Variants in ADAMTSL3 observed in about 807,000 individuals in gnomAD.
ADAMTSL3 encodes the protein ADAMTS like 3.
Under a neutral mutation model 201.7 loss-of-function variants are expected in ADAMTSL3, and 128 were observed. The observed-to-expected ratio is 0.63, with a 90% CI of 0.55 to 0.73. The LOEUF is 0.73. ADAMTSL3 is among the 30% of genes least tolerant of loss of function. The pLI is 0.00. For synonymous variants in ADAMTSL3, 738 were observed against 748.4 expected, an observed-to-expected ratio of 0.99 and a Z score of 0.23; for missense variants, 1,990 against 2,119.6, an observed-to-expected ratio of 0.94 and a Z score of 1.20.
At chr15:83,774,725 T>C (rs373936841) in intron 4 of ADAMTSL3, among the ~76,000 whole-genome samples, 12 of 152,214 alleles carry the variant, frequency 7.9e-5, no homozygotes, top group Admixed American at 4.6e-4. Context: ...TGAGCAGATA[T>C]AGGCCCTGGT....
At chr15:83,964,577 G>C (rs371687225) in intron 19 of ADAMTSL3, among the ~76,000 whole-genome samples, 1 of 152,130 alleles carries the variant, frequency 6.6e-6, no homozygotes, top group East Asian at 1.9e-4. Flanking sequence ...GGGGAGAATG[G>C]AACCAAGTTG....
intron 7 of ADAMTSL3, among the ~76,000 whole-genome samples, chr15:83,838,736 G>A (rs535064713): frequency 2.6e-5 from 4 of 152,188 alleles, no homozygotes; most frequent in South Asian, 2.1e-4. Context: ...TCAATTTTGT[G>A]TAATTAGAGT....
chr15:83,844,832 A>G (rs1344306243), intron 7 of ADAMTSL3, among the ~76,000 whole-genome samples: 1 of 152,198 alleles, frequency 6.6e-6, no homozygotes, highest in Admixed American at 6.5e-5. Flanking sequence ...TGTATTTTAC[A>G]TGGAGAAGCA....
intron 4 of ADAMTSL3, 82 bp downstream of exon 4, chr15:83,773,732 G>C: frequency 4.0e-6 from 6 of 1,484,826 alleles, no homozygotes; most frequent in Non-Finnish European, 5.4e-6. Context: ...AACTTTATAT[G>C]GCTTTGGAAT....
chr15:83,737,116 A>G (rs2062380431), intron 3 of ADAMTSL3, among the ~76,000 whole-genome samples: 1 of 152,258 alleles, frequency 6.6e-6, no homozygotes. Flanking sequence ...AAATTTGATC[A>G]TGAAATCATA....
chr15:83,673,059 A>G (rs1327919808), intron 2 of ADAMTSL3, among the ~76,000 whole-genome samples: 2 of 152,240 alleles, frequency 1.3e-5, no homozygotes, highest in Non-Finnish European at 2.9e-5. Flanking sequence ...GAGCCAGGAA[A>G]GCATTTTGGT....
intron 3 of ADAMTSL3, chr15:83,717,404 A>G (rs1314787363): frequency 6.6e-6 from 1 of 152,212 alleles, no homozygotes; most frequent in African/African-American, 2.4e-5. Flanking sequence ...CCTTATAATT[A>G]CAGTTTACTC....
chr15:83,748,917 A>C (rs1242703754), intron 3 of ADAMTSL3, among the ~76,000 whole-genome samples: 1 of 152,086 alleles, frequency 6.6e-6, no homozygotes, highest in African/African-American at 2.4e-5. Flanking sequence ...TGGGTTTTCC[A>C]GGGAGCAGAC....
intron 26 of ADAMTSL3, among the ~76,000 whole-genome samples, chr15:84,022,022 G>C (rs1335638056): frequency 6.6e-6 from 1 of 152,096 alleles, no homozygotes; most frequent in Non-Finnish European, 1.5e-5. Flanking sequence ...CTTGATCCCT[G>C]GAGGTAAAAC....
rs188651694 is a variant in ADAMTSL3 at position 83,681,526 on chromosome 15, A to C, written c.70-22863A>C. Reference sequence around the variant, plus strand: ...CTAGAAATTCATCTTTAAGGTGATCAAGAATGGATTCGGGATTAATGTTAG... The same window carrying C: ...CTAGAAATTCATCTTTAAGGTGATCCAGAATGGATTCGGGATTAATGTTAG... On this transcript the variant is annotated intron_variant, in intron 2 of 29. Coordinates refer to ENST00000286744, the MANE Select transcript of ADAMTSL3 (RefSeq NM_207517.3). Among the ~76,000 whole-genome samples, 857 of 152,370 alleles carry C rather than the reference A, an allele frequency of 5.6e-3. 9 individuals are homozygous for C. Among genetic ancestry groups the C allele is most frequent in the African/African-American group, 0.019 (796 of 41,588 alleles).
chr15:83,655,710 A>G lies in ADAMTSL3; in HGVS notation c.-33-19A>G, dbSNP rs2061072594. 12 of 1,587,566 alleles carry G rather than the reference A, an allele frequency of 7.6e-6. No individual in the cohort carries two copies. The South Asian group carries it at 1.3e-4, about 18-fold the overall frequency. Reference sequence around the variant, plus strand: ...GGGGGCCAGAGCTGGTTGGTAATGAACTCTTTCCTCGTTTGTAGGCTACAA... The same window carrying G: ...GGGGGCCAGAGCTGGTTGGTAATGAGCTCTTTCCTCGTTTGTAGGCTACAA... On this transcript the variant is annotated intron_variant, in intron 1 of 29. Transcript: ENST00000286744.
At chr15:83,838,546 A>C (rs550378619) in intron 7 of ADAMTSL3, among the ~76,000 whole-genome samples, 2 of 152,354 alleles carry the variant, frequency 1.3e-5, no homozygotes, top group East Asian at 3.9e-4. Context: ...AAATATTGTC[A>C]TGTATCTATT....
At chr15:83,960,805 T>TA (rs1298775554) in intron 19 of ADAMTSL3, among the ~76,000 whole-genome samples, 2 of 152,208 alleles carry the variant, frequency 1.3e-5, no homozygotes, top group Non-Finnish European at 2.9e-5. Context: ...TAAAGTCTCC[T>TA]AGCTCGTTTC....
chr15:83,714,368 G>C (rs755102190), intron 3 of ADAMTSL3, among the ~76,000 whole-genome samples: 5 of 152,180 alleles, frequency 3.3e-5, no homozygotes, highest in Non-Finnish European at 7.3e-5. Flanking sequence ...CTGCATTGCT[G>C]TCCAGCACAT....
chr15:84,021,676 C>A, intron 26 of ADAMTSL3, 83 bp downstream of exon 26: 1 of 1,457,536 alleles, frequency 6.9e-7, no homozygotes, highest in South Asian at 1.3e-5. Flanking sequence ...CATAATAATT[C>A]AATAGCTAAG....
intron 15 of ADAMTSL3, among the ~76,000 whole-genome samples, chr15:83,912,436 A>G (rs1349728339): frequency 6.6e-6 from 1 of 152,240 alleles, no homozygotes; most frequent in African/African-American, 2.4e-5. Flanking sequence ...TAGGTGGGCC[A>G]GATTTGACCT....
At chr15:83,926,704 C>G (rs2066252693) in intron 17 of ADAMTSL3, among the ~76,000 whole-genome samples, 1 of 151,346 alleles carries the variant, frequency 6.6e-6, no homozygotes, top group South Asian at 2.1e-4. Context: ...CAACTTCCAC[C>G]TCCTGGGTTC....
At chr15:83,664,712 G>A (rs1454181581) in intron 2 of ADAMTSL3, among the ~76,000 whole-genome samples, 1 of 152,246 alleles carries the variant, frequency 6.6e-6, no homozygotes, top group African/African-American at 2.4e-5. Context: ...GGGCACAGTG[G>A]CTCATGCCTG....
intron 9 of ADAMTSL3, among the ~76,000 whole-genome samples, chr15:83,874,067 G>T (rs1183860318): frequency 6.9e-6 from 1 of 145,096 alleles, no homozygotes; most frequent in African/African-American, 2.6e-5. Flanking sequence ...CCTTTCTCCA[G>T]TAAGGCTGCA....
Sources: gnomAD v4.1 joint callset for allele counts (sites outside exome capture counted in the v4.1 genomes callset) on GRCh38, gnomAD v4.1.1 for gene constraint, MANE v1.5 for transcripts, NCBI Gene and HGNC (gene_info 2026-07-23, HGNC 2026-07-21) for gene names.